Variants in MAP6 observed in about 807,000 individuals in gnomAD.
MAP6 encodes microtubule-associated protein 6.
Under a neutral mutation model 42.4 loss-of-function variants are expected in MAP6, and 26 were observed. The observed-to-expected ratio is 0.61, with a 90% CI of 0.45 to 0.85. The LOEUF (loss-of-function observed/expected upper bound fraction) is 0.85. Among genes scored for constraint, MAP6 ranks in the 40% least tolerant of loss-of-function variants. The probability of loss-of-function intolerance (pLI) is 0.00; values close to 1 mark genes in which losing one functional copy is unlikely to be tolerated. For missense variants in MAP6, 966 were observed against 1,099.0 expected, an observed-to-expected ratio of 0.88 and a Z score of 1.71; for synonymous variants, 418 against 443.8, an observed-to-expected ratio of 0.94 and a Z score of 0.73.
intron 3 of MAP6, chr11:75,596,318 T>G (rs2511005): frequency 0.75 from 114,482 of 152,180 alleles, 43,893 homozygotes; most frequent in African/African-American, 0.9. Flanking sequence ...TATCCCTCCT[T>G]GTGGAATATA....
intron 1 of MAP6, among the ~76,000 whole-genome samples, chr11:75,616,307 C>A (rs186174605): frequency 6.6e-6 from 1 of 152,084 alleles, no homozygotes; most frequent in Non-Finnish European, 1.5e-5. Flanking sequence ...CTTTTCCCAT[C>A]TTCTTTATAA....
intron 1 of MAP6, among the ~76,000 whole-genome samples, chr11:75,663,964 T>A (rs1427125372): frequency 1.3e-5 from 2 of 152,356 alleles, no homozygotes; most frequent in East Asian, 3.9e-4. Context: ...TAGGAAAAGT[T>A]TCTCATTAGC....
At chr11:75,593,752 T>C (rs970323376) in intron 3 of MAP6, among the ~76,000 whole-genome samples, 38 of 152,354 alleles carry the variant, frequency 2.5e-4, no homozygotes, top group Non-Finnish European at 4.6e-4. Flanking sequence ...AGAAAGACAC[T>C]GAGCAATAAC....
At chr11:75,654,875 A>G (rs1943714785) in intron 1 of MAP6, among the ~76,000 whole-genome samples, 1 of 152,166 alleles carries the variant, frequency 6.6e-6, no homozygotes, top group South Asian at 2.1e-4. Context: ...ATTCAAACCC[A>G]GCTTTGATGG....
At chr11:75,629,516 A>G (rs1943251434) in intron 1 of MAP6, among the ~76,000 whole-genome samples, 1 of 152,132 alleles carries the variant, frequency 6.6e-6, no homozygotes, top group Admixed American at 6.6e-5. Context: ...TCCCTGAATT[A>G]ATTCTGTCCT....
intron 1 of MAP6, among the ~76,000 whole-genome samples, chr11:75,664,293 T>G (rs1317567340): frequency 1.3e-5 from 2 of 152,230 alleles, no homozygotes; most frequent in African/African-American, 4.8e-5. Flanking sequence ...CAGGCTGATA[T>G]GAATGGATTG....
At position 75,667,691 on chromosome 11, in the gene MAP6, C is replaced by T; in HGVS notation, c.679G>A (p.Ala227Thr). Residue 227 changes from alanine (A) to threonine (T), a missense_variant, in exon 1 of 4, where the codon GCC becomes ACC. By Grantham distance (58) the Ala-to-Thr change is moderately conservative. This residue lies in a region of MAP6 where 943 missense variants were observed against 1,049.9 expected (regional missense o/e 0.90). Transcript: ENST00000304771. The surrounding 1 kb of genome is among the most constrained non-coding windows in gnomAD (Gnocchi z 5.6). The part of the protein sequence containing the change: ...AAPGGAGGLA[A>T]GKASGADERD... Reference sequence around the variant, plus strand: ...TCGTCCGCCCCGGACGCCTTTCCGGCCGCCAGGCCACCCGCTCCGCCGGGG... The same window carrying T: ...TCGTCCGCCCCGGACGCCTTTCCGGTCGCCAGGCCACCCGCTCCGCCGGGG... 2.3e-6 allele frequency: 3 copies of T among 1,277,310 alleles called. No homozygotes were observed. The highest frequency in any genetic ancestry group is 3.2e-5 in the East Asian group (1 of 31,222). 79.1% of individuals were successfully genotyped at this position (1,277,310 alleles called of 1,614,324 possible).
chr11:75,589,163 G>C (rs952777076), intron 3 of MAP6, among the ~76,000 whole-genome samples: 6 of 152,074 alleles, frequency 3.9e-5, no homozygotes, highest in African/African-American at 1.2e-4. Context: ...CAACTTCCAG[G>C]CTCTTGGGCT....
intron 1 of MAP6, among the ~76,000 whole-genome samples, chr11:75,645,152 T>C (rs536043175): frequency 1.9e-4 from 29 of 152,254 alleles, no homozygotes; most frequent in Admixed American, 1.8e-3. Context: ...ACTGCACTGC[T>C]GCCGAGAGGA....
Position 75,668,096 on chromosome 11 carries a change from C to T in MAP6, c.274G>A (p.Glu92Lys). Residue 92 changes from glutamate (E) to lysine (K), a missense_variant, in exon 1 of 4, where the codon GAG becomes AAG. Physicochemically the swap from Glu to Lys is moderately conservative, Grantham distance 56. This residue lies in a region of MAP6 where 943 missense variants were observed against 1,049.9 expected (regional missense o/e 0.90). Coordinates refer to ENST00000304771, the MANE Select transcript of MAP6 (RefSeq NM_033063.2). ...CCGGGGCCCGCCGCCGGCTCGCGCT[C>T]GCCGGTAGGCCCAGGCGCTGGCCCC... ...ATGPAPGPTG[E>K]REPAAGPGRS... 1 of 1,207,876 alleles carries T rather than the reference C, an allele frequency of 8.3e-7. No homozygotes were observed. 74.8% of individuals were successfully genotyped at this position (1,207,876 alleles called of 1,614,324 possible). A position where few individuals can be genotyped will look rare whatever the true frequency, so the allele number is the denominator to read the frequency against.
rs1214635660 is a variant in MAP6, at chr11:75,667,965, G to A, written c.405C>T (p.Pro135=). The A allele has an allele frequency of 1.5e-6, 2 of 1,329,520 alleles. No individual in the cohort carries two copies. Among genetic ancestry groups the A allele is most frequent in the Non-Finnish European group, 1.9e-6 (2 of 1,034,208 alleles). 82.4% of individuals were successfully genotyped at this position (1,329,520 alleles called of 1,614,324 possible). ...YRAWKVQRPE[P]SCRPRSEYQP... ...GGTATTCGCTGCGCGGCCGGCAGCT[G>A]GGCTCGGGCCGCTGCACCTTCCAGG... The change falls in exon 1 of 4, where the codon CCC becomes CCT. Residue 135 remains proline (P), a synonymous_variant. Coordinates refer to ENST00000304771, the MANE Select transcript of MAP6 (RefSeq NM_033063.2). The surrounding 1 kb of genome is among the most constrained non-coding windows in gnomAD (Gnocchi z 5.6).
intron 1 of MAP6, 24 bp from the exon 2 acceptor site, chr11:75,608,346 T>G: frequency 6.3e-7 from 1 of 1,590,636 alleles, no homozygotes; most frequent in East Asian, 2.2e-5. Flanking sequence ...AAAGCATATG[T>G]GATATGAAGC....
chr11:75,609,614 T>G (rs912704791), intron 1 of MAP6, among the ~76,000 whole-genome samples: 9 of 152,242 alleles, frequency 5.9e-5, no homozygotes, highest in African/African-American at 2.2e-4. Context: ...ACAAGGTCCT[T>G]ATAATGTCCT....
chr11:75,615,230 T>C (rs539303707), intron 1 of MAP6, among the ~76,000 whole-genome samples: 1 of 152,344 alleles, frequency 6.6e-6, no homozygotes, highest in Non-Finnish European at 1.5e-5. Context: ...ACATCCATCC[T>C]AGCTCTAACC....
rs770189526 is a variant in MAP6 at position 75,587,400 on chromosome 11, G to A, written c.2101C>T (p.Pro701Ser). 2.5e-6 allele frequency: 4 copies of A among 1,614,066 alleles called. No individual in the cohort carries two copies. Among genetic ancestry groups the A allele is most frequent in the Non-Finnish European group, 3.4e-6 (4 of 1,180,002 alleles). The change falls in exon 4 of 4, where the codon CCT becomes TCT. Residue 701 changes from proline (P) to serine (S), a missense_variant. Physicochemically the swap from Pro to Ser is moderately conservative, Grantham distance 74. Transcript: ENST00000304771. ...AKVHDSAVVA[P>S]VKNQGPVVPE... ...ACCACAGGACCTTGATTCTTTACAG[G>A]TGCCACAACTGCAGAATCGTGAACC...
intron 1 of MAP6, among the ~76,000 whole-genome samples, chr11:75,630,950 C>T (rs1943275682): frequency 6.6e-6 from 1 of 152,136 alleles, no homozygotes; most frequent in South Asian, 2.1e-4. Flanking sequence ...TTAACAAGTT[C>T]CTTGGGTGAT....
chr11:75,628,873 A>G (rs1743803382), intron 1 of MAP6, among the ~76,000 whole-genome samples: 2 of 152,246 alleles, frequency 1.3e-5, no homozygotes, highest in Admixed American at 6.5e-5. Context: ...TTTACAATGA[A>G]TGAAAACTTA....
intron 1 of MAP6, among the ~76,000 whole-genome samples, chr11:75,617,319 C>G (rs1943013544): frequency 6.6e-6 from 1 of 152,036 alleles, no homozygotes; most frequent in Non-Finnish European, 1.5e-5. Flanking sequence ...GAGTTCGAGA[C>G]CAGCCTGGCC....
At chr11:75,632,737 G>A (rs140725305) in intron 1 of MAP6, among the ~76,000 whole-genome samples, 5 of 152,268 alleles carry the variant, frequency 3.3e-5, no homozygotes, top group East Asian at 1.9e-4. Context: ...TTATGACTGC[G>A]TAATGTGGAA....
Sources: gnomAD v4.1 joint callset for allele counts (sites outside exome capture counted in the v4.1 genomes callset) on GRCh38, gnomAD v4.1.1 for gene constraint, gnomAD v4.1.1 regional missense constraint, Gnocchi (gnomAD v3.1) non-coding constraint, MANE v1.5 for transcripts, NCBI Gene and HGNC (gene_info 2026-07-23, HGNC 2026-07-21) for gene names.